Variants in PNKD observed in about 807,000 individuals in gnomAD.
The protein encoded by PNKD is PNKD metallo-beta-lactamase domain containing.
Under a neutral mutation model 45.3 loss-of-function variants are expected in PNKD, and 36 were observed. That is an observed-to-expected ratio of 0.80 (90% CI 0.61 to 1.05). The LOEUF (loss-of-function observed/expected upper bound fraction) is 1.05, where lower values mean the gene tolerates loss of function less well. Among genes scored for constraint, PNKD ranks in the 50% least tolerant of loss-of-function variants. The pLI is 0.00. For synonymous variants in PNKD, 197 were observed against 210.1 expected, an observed-to-expected ratio of 0.94 and a Z score of 0.54; for missense variants, 511 against 506.6, an observed-to-expected ratio of 1.01 and a Z score of -0.08.
chr2:218,283,838 G>C (rs1447227794), intron 2 of PNKD, among the ~76,000 whole-genome samples: 1 of 152,150 alleles, frequency 6.6e-6, no homozygotes, highest in Admixed American at 6.5e-5. Context: ...CCCTAGAGGG[G>C]CTGGGATAGA....
At chr2:218,323,480 G>A in intron 2 of PNKD, 1 of 1,469,858 alleles carries the variant, frequency 6.8e-7, no homozygotes, top group South Asian at 1.3e-5. Context: ...CGGGCGCGCT[G>A]GGAGAGGGGA....
chr2:218,278,515 C>G (rs1559502007), intron 2 of PNKD: 9 of 1,614,004 alleles, frequency 5.6e-6, no homozygotes, highest in Non-Finnish European at 7.6e-6. Context: ...TGGGACTCAC[C>G]TGGGTCCCTG....
In PNKD at chr2:218,277,999, T is replaced by C. The variant is rs375623883; in HGVS notation, c.236+6450T>C. 5.9e-5 allele frequency: 96 copies of C among 1,613,688 alleles called. No homozygotes were observed. In the African/African-American group the frequency reaches 1.1e-3, roughly 19 times the overall value. ...TCTGAAGGGAAAGAGAAGCCTTGAT[T>C]AAATGACTTGGGGCCCCTCAGGCGT... On this transcript the variant is annotated intron_variant, in intron 2 of 9. Transcript: ENST00000273077.
At chr2:218,316,129 A>G (rs1693805577) in intron 2 of PNKD, among the ~76,000 whole-genome samples, 1 of 152,180 alleles carries the variant, frequency 6.6e-6, no homozygotes, top group Admixed American at 6.6e-5. Flanking sequence ...TTACAGTGAG[A>G]GATGAATAAC....
At chr2:218,321,745 C>T (rs1693991024) in intron 2 of PNKD, among the ~76,000 whole-genome samples, 1 of 150,730 alleles carries the variant, frequency 6.6e-6, no homozygotes, top group African/African-American at 2.4e-5. Flanking sequence ...TCTCTTGCCT[C>T]AGGCTCCCGA....
chr2:218,280,220 C>T, intron 2 of PNKD: 1 of 924,964 alleles, frequency 1.1e-6, no homozygotes. Context: ...TCAGGGATCT[C>T]CAGCCAAAAG....
chr2:218,294,516 G>A (rs1040056270), intron 2 of PNKD, among the ~76,000 whole-genome samples: 9 of 152,024 alleles, frequency 5.9e-5, no homozygotes, highest in East Asian at 3.9e-4. Context: ...TTTTTGAGAT[G>A]GAATCTCACT....
rs143554766 is a variant in PNKD, at chr2:218,280,404, G to A, written c.236+8855G>A. The stretch of plus-strand genomic sequence containing the variant: ...CACTGGGGGTTCACTGGGGGGTCAC[G>A]ATGTAGTGGGGAAGCCAGGCAGGAG... On this transcript the variant is annotated intron_variant, in intron 2 of 9. Transcript: ENST00000273077. 1,455 of 384,008 alleles carry A rather than the reference G, an allele frequency of 3.8e-3. 19 individuals carry two copies. Among genetic ancestry groups the A allele is most frequent in the African/African-American group, 0.025 (1,210 of 47,884 alleles). 23.8% of individuals were successfully genotyped at this position (384,008 alleles called of 1,614,324 possible). A position where few individuals can be genotyped will look rare whatever the true frequency, so the allele number is the denominator to read the frequency against.
intron 2 of PNKD, among the ~76,000 whole-genome samples, chr2:218,337,365 G>T (rs773771585): frequency 2.6e-5 from 4 of 152,110 alleles, no homozygotes; most frequent in Admixed American, 6.6e-5. Flanking sequence ...GAGCCACCGC[G>T]CCCGGCCTTC....
chr2:218,310,972 A>G (rs995926242), intron 2 of PNKD, among the ~76,000 whole-genome samples: 2 of 152,216 alleles, frequency 1.3e-5, no homozygotes, highest in Non-Finnish European at 2.9e-5. Context: ...GTACAGTAAC[A>G]TGCCGTGCAG....
At chr2:218,276,732 C>G (rs1691251537) in intron 2 of PNKD, among the ~76,000 whole-genome samples, 1 of 152,214 alleles carries the variant, frequency 6.6e-6, no homozygotes, top group Non-Finnish European at 1.5e-5. Flanking sequence ...TCTCAGCTGC[C>G]AGCCAGATTG....
At chr2:218,303,249 G>C (rs1166922205) in intron 2 of PNKD, among the ~76,000 whole-genome samples, 5 of 152,104 alleles carry the variant, frequency 3.3e-5, no homozygotes, top group Non-Finnish European at 7.4e-5. Flanking sequence ...GCCCAGCCCT[G>C]AACCAGTCTT....
chr2:218,320,063 T>C (rs764357239), intron 2 of PNKD, among the ~76,000 whole-genome samples: 4 of 152,100 alleles, frequency 2.6e-5, no homozygotes, highest in South Asian at 2.1e-4. Context: ...TCTGAGGAGG[T>C]TGAAGAGACA....
chr2:218,315,094 C>CTCCTTCCTTCCTTCCT (rs71064434), intron 2 of PNKD, among the ~76,000 whole-genome samples: 1,202 of 101,616 alleles, frequency 0.012, 47 homozygotes, highest in African/African-American at 0.044. Context: ...CTCTCTCTCT[C>CTCCTTCCTTCCTTCCT]TCCTTCCTTC....
chr2:218,297,620 G>A (rs1287076263), intron 2 of PNKD, among the ~76,000 whole-genome samples: 1 of 149,708 alleles, frequency 6.7e-6, no homozygotes, highest in Non-Finnish European at 1.5e-5. Flanking sequence ...GGGAGACAGA[G>A]GTTGCAGTGA....
At chr2:218,335,884 G>A (rs1274989137) in intron 2 of PNKD, among the ~76,000 whole-genome samples, 2 of 152,254 alleles carry the variant, frequency 1.3e-5, no homozygotes, top group African/African-American at 2.4e-5. Context: ...TCTGAAGAGC[G>A]GCTGCCCCTG....
At position 218,343,539 on chromosome 2, in the gene PNKD, C is replaced by T. The variant is rs1694742160; in HGVS notation, c.821C>T (p.Ser274Leu). 1.9e-6 allele frequency: 3 copies of T among 1,613,772 alleles called. No individual in the cohort carries two copies. Among genetic ancestry groups the T allele is most frequent in the Non-Finnish European group, 1.7e-6 (2 of 1,179,854 alleles). Residue 274 changes from serine to leucine, a missense_variant, in exon 8 of 10, where the codon TCA (serine) becomes TTA (leucine). Physicochemically the swap from Ser to Leu is moderately radical, Grantham distance 145 (BLOSUM62 -2). Transcript: ENST00000273077. ...FEGNAETMLS[S>L]LDTVLGLGDD... ...GGCAATGCAGAGACCATGCTGAGCT[C>T]ACTGGACACTGTGCTGGGGCTAGGG...
intron 2 of PNKD, among the ~76,000 whole-genome samples, chr2:218,334,304 C>G (rs897659676): frequency 6.6e-6 from 1 of 152,070 alleles, no homozygotes; most frequent in South Asian, 2.1e-4. Context: ...CTCAAATTCA[C>G]TATTTTTCCC....
chr2:218,296,143 C>T (rs1418427317), intron 2 of PNKD, among the ~76,000 whole-genome samples: 1 of 152,218 alleles, frequency 6.6e-6, no homozygotes, highest in African/African-American at 2.4e-5. Flanking sequence ...CCGCTGCGCC[C>T]GGCCAAACAA....
Sources: allele counts gnomAD v4.1 joint callset (sites outside exome capture counted in the v4.1 genomes callset), GRCh38; gene constraint gnomAD v4.1.1; transcripts MANE v1.5; gene names NCBI Gene and HGNC (gene_info 2026-07-23, HGNC 2026-07-21).